The following CMSS1 variants were observed in gnomAD, a reference collection of about 807,000 sequenced individuals.
CMSS1 encodes cms1 ribosomal small subunit homolog, also known as protein CMSS1.
Under a neutral mutation model 43.5 loss-of-function variants are expected in CMSS1, and 33 were observed. The observed-to-expected ratio is 0.76, with a 90% CI of 0.57 to 1.01. CMSS1 has a LOEUF of 1.01. CMSS1 is among the 50% of genes least tolerant of loss of function. The pLI is 0.00. For missense variants in CMSS1, 313 were observed against 326.4 expected, an observed-to-expected ratio of 0.96 and a Z score of 0.32; for synonymous variants, 115 against 117.2, an observed-to-expected ratio of 0.98 and a Z score of 0.12.
chr3:99,818,042 A>T lies in CMSS1; in HGVS notation c.63A>T (p.Pro21=). ...AGCCGACTGGAGCAGGCAGCAGCCC[A>T]GGTACCCACTCTGTGCCCGCGCTCC... ...ENQPTGAGSS[P]EASDGEGEGD... Residue 21 remains proline, a splice_region_variant and synonymous_variant, in exon 1 of 10, where the codon CCA becomes CCT. Coordinates refer to ENST00000421999, the MANE Select transcript of CMSS1 (RefSeq NM_032359.4). 2.5e-6 allele frequency: 4 copies of T among 1,613,414 alleles called. No homozygotes were observed. Among genetic ancestry groups the T allele is most frequent in the Non-Finnish European group, 3.4e-6 (4 of 1,179,878 alleles).
Position 100,114,901 on chromosome 3 carries a change from G to A in CMSS1, c.65-32072G>A, listed in dbSNP as rs559622199. 107 of 1,453,054 alleles carry A rather than the reference G, an allele frequency of 7.4e-5. No individual in the cohort carries two copies. In the African/African-American group the frequency reaches 1.3e-3, roughly 18 times the overall value. The allele number at this position is 1,453,054 out of a possible 1,614,324, so 90.0% of individuals were successfully genotyped here. ...ATTCGCTATTATTAACGCTGTGTTG[G>A]ACTCAAACTTGAATGCCTGCCTGTT... On this transcript the variant is annotated intron_variant, in intron 1 of 9. Coordinates refer to ENST00000421999, the MANE Select transcript of CMSS1 (RefSeq NM_032359.4).
At chr3:100,104,093 T>G (rs2066354580) in intron 1 of CMSS1, among the ~76,000 whole-genome samples, 1 of 152,166 alleles carries the variant, frequency 6.6e-6, no homozygotes, top group African/African-American at 2.4e-5. Flanking sequence ...TTCTCTGAAA[T>G]GAAGCCAACT....
At chr3:100,135,092 A>G (rs768305651) in intron 1 of CMSS1, among the ~76,000 whole-genome samples, 1 of 152,242 alleles carries the variant, frequency 6.6e-6, no homozygotes, top group Non-Finnish European at 1.5e-5. Context: ...AGTGCCTTGT[A>G]CAAAGTAAGG....
chr3:99,888,587 A>G (rs1705982875), intron 1 of CMSS1, among the ~76,000 whole-genome samples: 1 of 152,192 alleles, frequency 6.6e-6, no homozygotes, highest in African/African-American at 2.4e-5. Flanking sequence ...ATCACTGAAA[A>G]TAGAGAGAGG....
chr3:100,076,926 T>C (rs1266374215), intron 1 of CMSS1, among the ~76,000 whole-genome samples: 1 of 152,252 alleles, frequency 6.6e-6, no homozygotes, highest in Non-Finnish European at 1.5e-5. Flanking sequence ...AAAATTACTT[T>C]TCAAATTACA....
chr3:99,818,011 A>G lies in CMSS1; in HGVS notation c.32A>G (p.Glu11Gly). 1 of 1,613,928 alleles carries G rather than the reference A, an allele frequency of 6.2e-7. No homozygotes were observed. Among genetic ancestry groups the G allele is most frequent in the South Asian group, 1.1e-5 (1 of 91,088 alleles). Residue 11 changes from glutamate to glycine, a missense_variant, in exon 1 of 10, where the codon GAG (glutamate) becomes GGG (glycine). By Grantham distance (98) the Glu-to-Gly change is moderately conservative. Coordinates refer to ENST00000421999, the MANE Select transcript of CMSS1 (RefSeq NM_032359.4). MADDLGDEWWENQPTGAGSSP... is the reference protein window; with the variant it reads MADDLGDEWWGNQPTGAGSSP... Reference sequence around the variant, plus strand: ...GACGATCTCGGAGACGAGTGGTGGGAGAACCAGCCGACTGGAGCAGGCAGC... The same window carrying G: ...GACGATCTCGGAGACGAGTGGTGGGGGAACCAGCCGACTGGAGCAGGCAGC...
At chr3:99,867,440 C>A (rs561349182) in intron 1 of CMSS1, among the ~76,000 whole-genome samples, 1 of 152,236 alleles carries the variant, frequency 6.6e-6, no homozygotes, top group East Asian at 1.9e-4. Context: ...GAAAAAAGCT[C>A]TGGCTTCACT....
intron 1 of CMSS1, among the ~76,000 whole-genome samples, chr3:99,869,805 A>G (rs1159169456): frequency 6.6e-6 from 1 of 152,216 alleles, no homozygotes; most frequent in Non-Finnish European, 1.5e-5. Context: ...AGAAAAACAT[A>G]TTTCACCTTT....
chr3:99,940,413 G>A (rs1707817856), intron 1 of CMSS1, among the ~76,000 whole-genome samples: 1 of 152,166 alleles, frequency 6.6e-6, no homozygotes, highest in Non-Finnish European at 1.5e-5. Flanking sequence ...CAGTGATAAT[G>A]AGCCAGTCAC....
At chr3:99,944,476 A>T (rs1477723612) in intron 1 of CMSS1, among the ~76,000 whole-genome samples, 1 of 152,252 alleles carries the variant, frequency 6.6e-6, no homozygotes, top group Admixed American at 6.5e-5. Flanking sequence ...CAACAGCAAC[A>T]CAAAATTTAC....
intron 1 of CMSS1, among the ~76,000 whole-genome samples, chr3:100,028,346 G>T (rs2064964872): frequency 6.6e-6 from 1 of 152,060 alleles, no homozygotes; most frequent in Non-Finnish European, 1.5e-5. Flanking sequence ...TACTACTTTT[G>T]ACTCTTCTTC....
chr3:99,886,761 T>G (rs566866925), intron 1 of CMSS1, among the ~76,000 whole-genome samples: 303 of 148,334 alleles, frequency 2.0e-3, no homozygotes, highest in African/African-American at 7.1e-3. Context: ...CGAGACCAGC[T>G]TGGCCAACAT....
chr3:99,973,839 TTGG>T (rs1708892761), intron 1 of CMSS1, among the ~76,000 whole-genome samples: 1 of 152,214 alleles, frequency 6.6e-6, no homozygotes, highest in Admixed American at 6.5e-5. Context: ...GTGTTTGTTG[TTGG>T]TGGTGGGTGG....
chr3:99,928,589 A>G lies in CMSS1; in HGVS notation c.64+110546A>G, dbSNP rs79784360. 6.8e-3 allele frequency among the ~76,000 whole-genome samples: 1,035 copies of G among 152,284 alleles called. 15 individuals are homozygous for G. Among genetic ancestry groups the G allele is most frequent in the African/African-American group, 0.023 (961 of 41,534 alleles). On this transcript the variant is annotated intron_variant, in intron 1 of 9. Coordinates refer to ENST00000421999, the MANE Select transcript of CMSS1 (RefSeq NM_032359.4). ...AATTTTGCATGTGCACAATAGAATT[A>G]TTTTGTAATTAAATTTTTTCCCACC... is the stretch of plus-strand genomic sequence containing the variant.
chr3:99,858,969 C>G (rs1201082037), intron 1 of CMSS1, among the ~76,000 whole-genome samples: 1 of 152,210 alleles, frequency 6.6e-6, no homozygotes, highest in Non-Finnish European at 1.5e-5. Flanking sequence ...ATGTTTCCAT[C>G]ATTAATAAAG....
chr3:99,996,942 C>T (rs557578479), intron 1 of CMSS1, among the ~76,000 whole-genome samples: 5 of 152,014 alleles, frequency 3.3e-5, no homozygotes, highest in East Asian at 1.9e-4. Context: ...AAAATTTTTT[C>T]GAAACAAATG....
chr3:100,137,706 G>A (rs2107504319), intron 1 of CMSS1, among the ~76,000 whole-genome samples: 1 of 152,070 alleles, frequency 6.6e-6, no homozygotes, highest in East Asian at 1.9e-4. Context: ...GGGACTATAG[G>A]CGCCCGCCAC....
intron 1 of CMSS1, among the ~76,000 whole-genome samples, chr3:99,942,181 G>A (rs1303314636): frequency 2.6e-5 from 4 of 151,298 alleles, no homozygotes; most frequent in Non-Finnish European, 5.9e-5. Flanking sequence ...CAGCCTGGGT[G>A]AGAGACCAAG....
chr3:100,172,436 G>A (rs370801320), intron 8 of CMSS1, 33 bp downstream of exon 8: 15 of 1,536,830 alleles, frequency 9.8e-6, no homozygotes, highest in Non-Finnish European at 1.3e-5. Context: ...CTCTTGCCCA[G>A]GGCTGGGAGT....
Sources: allele counts gnomAD v4.1 joint callset (sites outside exome capture counted in the v4.1 genomes callset), GRCh38; gene constraint gnomAD v4.1.1; transcripts MANE v1.5; gene names NCBI Gene and HGNC (gene_info 2026-07-23, HGNC 2026-07-21).